Variants in INPP5A observed in about 807,000 individuals in gnomAD.
INPP5A encodes the protein inositol polyphosphate-5-phosphatase A, also known as 43 kDa inositol polyphosphate 5-phophatase.
In INPP5A, 14 loss-of-function variants were observed where a neutral mutation model predicts 65.2. The observed-to-expected ratio is 0.21, with a 90% CI of 0.14 to 0.34. The LOEUF (loss-of-function observed/expected upper bound fraction) is 0.34. Ranked by LOEUF, INPP5A falls within the 10% of genes least tolerant of loss-of-function variation. INPP5A has a pLI of 1.00. For synonymous variants in INPP5A, 207 were observed against 208.3 expected (o/e 0.99, Z 0.05); for missense variants, 431 against 545.6 (o/e 0.79, Z 2.09).
intron 1 of INPP5A, among the ~76,000 whole-genome samples, chr10:132,599,291 C>T (rs757545717): frequency 5.9e-5 from 9 of 152,192 alleles, no homozygotes; most frequent in South Asian, 2.1e-4. Context: ...TAAATACAGC[C>T]GTTCCAAATG....
In INPP5A at chr10:132,634,059, A is replaced by G. The variant is rs148466098; in HGVS notation, c.118-11809A>G. Among the ~76,000 whole-genome samples the G allele has an allele frequency of 3.7e-3, 560 of 152,390 alleles. 2 individuals are homozygous for G. Among genetic ancestry groups the G allele is most frequent in the Non-Finnish European group, 5.9e-3 (403 of 68,038 alleles). On this transcript the variant is annotated intron_variant, in intron 2 of 15. Coordinates refer to ENST00000368594, the MANE Select transcript of INPP5A (RefSeq NM_005539.5). ...AATACAGACCCTACACAGTAGCTTTATATCTAAAAAGATGATCAGTAATTC... is the reference window on the plus strand; with the variant it reads ...AATACAGACCCTACACAGTAGCTTTGTATCTAAAAAGATGATCAGTAATTC...
chr10:132,763,038 C>A (rs1455646241), intron 11 of INPP5A, among the ~76,000 whole-genome samples: 1 of 152,160 alleles, frequency 6.6e-6, no homozygotes, highest in Non-Finnish European at 1.5e-5. Context: ...CTTGAAAGGT[C>A]TGAGTTACAC....
At position 132,603,739 on chromosome 10, in the gene INPP5A, A is replaced by G. The variant is rs2071804205; in HGVS notation, c.76-4176A>G. On this transcript the variant is annotated intron_variant, in intron 1 of 15. Coordinates refer to ENST00000368594, the MANE Select transcript of INPP5A (RefSeq NM_005539.5). This position sits in a 1 kb window ranked among gnomAD's most constrained non-coding sequence, Gnocchi z 4.2. ...TGGGCCCCACTTGCTGATTTAATAG[A>G]TTCTATTACTTGTGTTTTGTTAGTT... 6.6e-6 allele frequency among the ~76,000 whole-genome samples: 1 copy of G among 152,062 alleles called. No homozygotes were observed. The highest frequency in any genetic ancestry group is 2.4e-5 in the African/African-American group (1 of 41,388).
chr10:132,724,077 C>A (rs572937356), intron 8 of INPP5A, among the ~76,000 whole-genome samples: 1 of 152,140 alleles, frequency 6.6e-6, no homozygotes, highest in Non-Finnish European at 1.5e-5. Context: ...AAGAGGAGCA[C>A]GAAATAGCTG....
At position 132,551,637 on chromosome 10, in the gene INPP5A, G is replaced by C. The variant is rs576528240; in HGVS notation, c.75+13466G>C. On this transcript the variant is annotated intron_variant, in intron 1 of 15. Transcript: ENST00000368594. This position sits in a 1 kb window ranked among gnomAD's most constrained non-coding sequence, Gnocchi z 5.3. ...TCAGAGCTGTTGCAACTTCCTGTTT[G>C]CTGTAACGGCTGTGCCTCCCTCGCT... Among the ~76,000 whole-genome samples the C allele has an allele frequency of 1.3e-5, 2 of 152,326 alleles. No homozygotes were observed. Among genetic ancestry groups the C allele is most frequent in the Non-Finnish European group, 2.9e-5 (2 of 68,038 alleles).
intron 1 of INPP5A, among the ~76,000 whole-genome samples, chr10:132,605,574 CTGGTGGGA>C (rs994899333): frequency 8.6e-5 from 13 of 151,886 alleles, no homozygotes; most frequent in East Asian, 3.9e-4. Context: ...CCAAGGGAGG[CTGGTGGGA>C]TGGTGGGATG....
At chr10:132,767,875 CACCCAA>C (rs1374444551) in intron 12 of INPP5A, among the ~76,000 whole-genome samples, 53 of 47,950 alleles carry the variant, frequency 1.1e-3, no homozygotes, top group South Asian at 3.7e-3. Context: ...GGTGCCCACG[CACCCAA>C]TGGCATTCCA....
chr10:132,609,685 C>T (rs1327222209), intron 2 of INPP5A, among the ~76,000 whole-genome samples: 3 of 152,220 alleles, frequency 2.0e-5, no homozygotes, highest in African/African-American at 4.8e-5. Flanking sequence ...CACTCTGTCA[C>T]CCAGACTGGA....
At chr10:132,723,007 C>CG (rs1408505332) in intron 8 of INPP5A, among the ~76,000 whole-genome samples, 16 of 152,216 alleles carry the variant, frequency 1.1e-4, no homozygotes, top group African/African-American at 2.9e-4. Flanking sequence ...CCGTGACAGC[C>CG]CCTTCGTCTT....
rs999951303 is a variant in INPP5A, at chr10:132,650,816, C to T, written c.306+311C>T. ...GCGTGCATGAAAATAAGAGGGAGTC[C>T]GGGGCTCCAGGCGTGTAGATGAGAG... On this transcript the variant is annotated intron_variant, in intron 4 of 15. Coordinates refer to ENST00000368594, the MANE Select transcript of INPP5A (RefSeq NM_005539.5). This position sits in a 1 kb window ranked among gnomAD's most constrained non-coding sequence, Gnocchi z 5.5. Among the ~76,000 whole-genome samples, 4 of 152,062 alleles carry T rather than the reference C, an allele frequency of 2.6e-5. No individual in the cohort carries two copies. The highest frequency in any genetic ancestry group is 4.4e-5 in the Non-Finnish European group (3 of 68,006).
At chr10:132,731,787 C>T (rs998660587) in intron 9 of INPP5A, among the ~76,000 whole-genome samples, 3 of 152,232 alleles carry the variant, frequency 2.0e-5, no homozygotes, top group Non-Finnish European at 2.9e-5. Flanking sequence ...TCACACGAAT[C>T]GGCAGAAGGA....
chr10:132,745,793 C>T (rs936953562), intron 9 of INPP5A, among the ~76,000 whole-genome samples: 6 of 140,128 alleles, frequency 4.3e-5, no homozygotes, highest in Admixed American at 2.8e-4. Flanking sequence ...GGGCTTCTGG[C>T]GTGGTGGCCT....
At chr10:132,693,708 G>C (rs1845303585) in intron 5 of INPP5A, among the ~76,000 whole-genome samples, 1 of 152,084 alleles carries the variant, frequency 6.6e-6, no homozygotes, top group Non-Finnish European at 1.5e-5. Flanking sequence ...GAAAAAAAAT[G>C]ACACAAATTA....
At chr10:132,657,949 T>TGA (rs1382839512) in intron 4 of INPP5A, among the ~76,000 whole-genome samples, 7 of 152,232 alleles carry the variant, frequency 4.6e-5, no homozygotes, top group African/African-American at 1.7e-4. Flanking sequence ...GGGCAGGTAA[T>TGA]GACCTGCTCC....
rs367946488 is a variant in INPP5A, at chr10:132,577,227, C to G, written c.76-30688C>G. The stretch of plus-strand genomic sequence containing the variant: ...CCTGAGTGCAGGTGGGTTGCTCCCC[C>G]CCGGCACGCCGCCCGTGGTGCATCA... On this transcript the variant is annotated intron_variant, in intron 1 of 15. Coordinates refer to ENST00000368594, the MANE Select transcript of INPP5A (RefSeq NM_005539.5). 1.6e-4 allele frequency among the ~76,000 whole-genome samples: 25 copies of G among 152,280 alleles called. No individual in the cohort carries two copies. In the East Asian group the frequency reaches 3.3e-3, roughly 20 times the overall value.
At chr10:132,642,575 G>A (rs964895685) in intron 2 of INPP5A, among the ~76,000 whole-genome samples, 4 of 152,200 alleles carry the variant, frequency 2.6e-5, no homozygotes, top group East Asian at 3.8e-4. Context: ...AGCTGTGTGC[G>A]TCGCAGCCCC....
chr10:132,768,350 C>A (rs1044693061), intron 12 of INPP5A, among the ~76,000 whole-genome samples: 6 of 151,856 alleles, frequency 4.0e-5, no homozygotes, highest in Admixed American at 3.3e-4. Flanking sequence ...ATCCATGGAC[C>A]CCGACCCTCA....
intron 2 of INPP5A, among the ~76,000 whole-genome samples, chr10:132,613,043 G>A (rs2071980771): frequency 6.6e-6 from 1 of 152,214 alleles, no homozygotes; most frequent in Non-Finnish European, 1.5e-5. Flanking sequence ...CAACTTGACA[G>A]ACCTCAGATC....
chr10:132,680,141 A>G (rs2073022976), intron 4 of INPP5A, among the ~76,000 whole-genome samples: 2 of 152,252 alleles, frequency 1.3e-5, no homozygotes, highest in Non-Finnish European at 2.9e-5. Flanking sequence ...ACAGCCAAAG[A>G]CAACATCAAC....
Sources: allele counts gnomAD v4.1 joint callset (sites outside exome capture counted in the v4.1 genomes callset), GRCh38; gene constraint gnomAD v4.1.1; non-coding constraint Gnocchi (gnomAD v3.1); transcripts MANE v1.5; gene names NCBI Gene and HGNC (gene_info 2026-07-23, HGNC 2026-07-21).